The following SSBP2 variants were observed in gnomAD, a reference collection of about 807,000 sequenced individuals.
The protein encoded by SSBP2 is single stranded DNA binding protein 2.
In SSBP2, 17 loss-of-function variants were observed where a neutral mutation model predicts 61.8. The ratio of observed to expected loss-of-function variants is 0.28; its 90% CI spans 0.19 to 0.41. SSBP2 has a LOEUF of 0.41. Among genes scored for constraint, SSBP2 ranks in the 10% least tolerant of loss-of-function variants. The pLI, the probability that SSBP2 is intolerant of heterozygous loss-of-function variation, is 1.00. For missense variants in SSBP2, 310 were observed against 458.7 expected (o/e 0.68, Z 2.96); for synonymous variants, 139 against 141.3 (o/e 0.98, Z 0.12).
At chr5:81,739,521 A>G (rs532047606) in intron 1 of SSBP2, among the ~76,000 whole-genome samples, 1 of 152,282 alleles carries the variant, frequency 6.6e-6, no homozygotes, top group African/African-American at 2.4e-5. Flanking sequence ...CTTGCTACCC[A>G]GTGTGGTAGT....
chr5:81,534,019 A>G (rs189695483), intron 4 of SSBP2, among the ~76,000 whole-genome samples: 2 of 152,228 alleles, frequency 1.3e-5, no homozygotes, highest in Admixed American at 1.3e-4. Flanking sequence ...CTCAAGAGAA[A>G]CTAACCGGAG....
At chr5:81,509,492 C>T (rs1229908275) in intron 5 of SSBP2, among the ~76,000 whole-genome samples, 4 of 152,178 alleles carry the variant, frequency 2.6e-5, no homozygotes, top group Non-Finnish European at 4.4e-5. Context: ...CAGAATCACA[C>T]TAGTTCAGTA....
At chr5:81,447,945 A>C (rs368183592) in intron 11 of SSBP2, 2 of 152,342 alleles carry the variant, frequency 1.3e-5, no homozygotes, top group African/African-American at 4.8e-5. Flanking sequence ...GGTCCAAAGC[A>C]GTGTGTGCTT....
At position 81,674,419 on chromosome 5, in the gene SSBP2, C is replaced by T. The variant is rs565405132; in HGVS notation, c.63-24080G>A. The stretch of plus-strand genomic sequence containing the variant: ...ACTGTAGACCAATGTTCCAAAGTTT[C>T]CAAGCCAATTTATATCTATGGGAAA... On this transcript the variant is annotated intron_variant, in intron 1 of 16. Coordinates refer to ENST00000320672, the MANE Select transcript of SSBP2 (RefSeq NM_012446.5). Among the ~76,000 whole-genome samples, 4 of 152,242 alleles carry T rather than the reference C, an allele frequency of 2.6e-5. No individual in the cohort carries two copies. In the East Asian group the frequency reaches 7.7e-4, roughly 29 times the overall value.
At chr5:81,577,643 C>T (rs975783085) in intron 4 of SSBP2, among the ~76,000 whole-genome samples, 5 of 151,860 alleles carry the variant, frequency 3.3e-5, no homozygotes, top group Non-Finnish European at 7.4e-5. Flanking sequence ...AGAACGAAAG[C>T]AAGGTCATTT....
chr5:81,543,344 C>G (rs879555200), intron 4 of SSBP2, among the ~76,000 whole-genome samples: 3 of 152,158 alleles, frequency 2.0e-5, no homozygotes, highest in Non-Finnish European at 4.4e-5. Flanking sequence ...ATACACATGT[C>G]CTTTGCAGCA....
chr5:81,602,906 A>G (rs10514220), intron 4 of SSBP2, among the ~76,000 whole-genome samples: 13,663 of 152,160 alleles, frequency 0.09, 640 homozygotes, highest in Admixed American at 0.11. Context: ...GTATCAAATA[A>G]CACTGTGATT....
rs565669258 is a variant in SSBP2 at position 81,589,168 on chromosome 5, A to T, written c.282+26305T>A. Among the ~76,000 whole-genome samples the T allele has an allele frequency of 3.3e-5, 5 of 152,366 alleles. No individual in the cohort carries two copies. In the East Asian group the frequency reaches 9.6e-4, roughly 29 times the overall value. On this transcript the variant is annotated intron_variant, in intron 4 of 16. Transcript: ENST00000320672. ...AAAACAAAATGAAGGTCACGTATCA[A>T]AAAGTCAGGACTTCAAAAAATATCA...
chr5:81,466,904 A>G (rs1318859067), intron 9 of SSBP2, 70 bp downstream of exon 9: 1 of 952,488 alleles, frequency 1.0e-6, no homozygotes, highest in Non-Finnish European at 1.5e-6. Context: ...AAATAGAATA[A>G]TATGGTATTA....
Position 81,425,100 on chromosome 5 carries a change from G to A in SSBP2, c.1056+3485C>T, listed in dbSNP as rs1053479483. 7.2e-5 allele frequency among the ~76,000 whole-genome samples: 11 copies of A among 152,148 alleles called. No individual in the cohort carries two copies. In the South Asian group the frequency reaches 2.3e-3, roughly 32 times the overall value. Reference sequence around the variant, plus strand: ...ATACCAACTTATTTTATCTTTTAATGTGAAATGAGATAGCACGCCTTGCTA... The same window carrying A: ...ATACCAACTTATTTTATCTTTTAATATGAAATGAGATAGCACGCCTTGCTA... On this transcript the variant is annotated intron_variant, in intron 16 of 16. Transcript: ENST00000320672.
chr5:81,674,300 C>T (rs371952966), intron 1 of SSBP2, among the ~76,000 whole-genome samples: 40 of 152,236 alleles, frequency 2.6e-4, no homozygotes, highest in Non-Finnish European at 4.6e-4. Context: ...CTAGCACAAC[C>T]GCTACCACTC....
intron 4 of SSBP2, among the ~76,000 whole-genome samples, chr5:81,597,137 C>A (rs1254986708): frequency 6.6e-6 from 1 of 152,128 alleles, no homozygotes; most frequent in Non-Finnish European, 1.5e-5. Flanking sequence ...TATGCAGAAT[C>A]TACAACAAAC....
At chr5:81,666,489 G>A (rs547658176) in intron 1 of SSBP2, among the ~76,000 whole-genome samples, 1 of 152,082 alleles carries the variant, frequency 6.6e-6, no homozygotes, top group Admixed American at 6.6e-5. Context: ...ATTTGGTGTG[G>A]CCAGAAATGT....
In SSBP2 at chr5:81,539,819, C is replaced by T. The variant is rs190485633; in HGVS notation, c.283-26102G>A. 2.2e-3 allele frequency among the ~76,000 whole-genome samples: 331 copies of T among 152,172 alleles called. 1 individual carries two copies. The highest frequency in any genetic ancestry group is 7.5e-3 in the African/African-American group (310 of 41,524). On this transcript the variant is annotated intron_variant, in intron 4 of 16. Transcript: ENST00000320672. ...TGCAGGTTTGTTACATAGGTATACACGTGCCATGGAAGTTTGCTGCACCCG... is the reference window on the plus strand; with the variant it reads ...TGCAGGTTTGTTACATAGGTATACATGTGCCATGGAAGTTTGCTGCACCCG...
intron 6 of SSBP2, among the ~76,000 whole-genome samples, chr5:81,484,501 C>A (rs1766237369): frequency 6.6e-6 from 1 of 151,764 alleles, no homozygotes; most frequent in Non-Finnish European, 1.5e-5. Flanking sequence ...AATTCAAAGT[C>A]ATAAGAAAAT....
intron 4 of SSBP2, among the ~76,000 whole-genome samples, chr5:81,555,930 G>T (rs1329249957): frequency 1.3e-5 from 2 of 152,128 alleles, no homozygotes; most frequent in Admixed American, 6.5e-5. Context: ...TCCTGAAAAT[G>T]AGCAGATAGT....
intron 14 of SSBP2, among the ~76,000 whole-genome samples, chr5:81,440,308 C>T (rs1317029840): frequency 1.3e-5 from 2 of 152,160 alleles, no homozygotes; most frequent in Non-Finnish European, 2.9e-5. Context: ...TATGGTAAGA[C>T]ATGAGATTTC....
At chr5:81,692,185 A>G (rs1753259384) in intron 1 of SSBP2, among the ~76,000 whole-genome samples, 1 of 152,230 alleles carries the variant, frequency 6.6e-6, no homozygotes, top group South Asian at 2.1e-4. Context: ...ACCAACATAC[A>G]AAAATCAGAA....
intron 1 of SSBP2, among the ~76,000 whole-genome samples, chr5:81,721,013 A>G (rs1315985949): frequency 1.3e-5 from 2 of 152,186 alleles, no homozygotes; most frequent in East Asian, 3.9e-4. Context: ...GAAACAAAAT[A>G]TTAGGTAGAA....
Sources: gnomAD v4.1 joint callset for allele counts (sites outside exome capture counted in the v4.1 genomes callset) on GRCh38, gnomAD v4.1.1 for gene constraint, MANE v1.5 for transcripts, NCBI Gene and HGNC (gene_info 2026-07-23, HGNC 2026-07-21) for gene names.